Variants in POM121 observed in about 807,000 individuals in gnomAD.
POM121 encodes nuclear envelope pore membrane protein POM 121.
POM121 carries 32 observed loss-of-function variants against 81.3 expected under a neutral mutation model. The ratio of observed to expected loss-of-function variants is 0.39; its 90% CI spans 0.30 to 0.53. The LOEUF (loss-of-function observed/expected upper bound fraction) is 0.53, where lower values mean the gene tolerates loss of function less well. Among genes scored for constraint, POM121 ranks in the 20% least tolerant of loss-of-function variants. POM121 has a pLI of 0.66. For missense variants in POM121, 1,138 were observed against 1,614.6 expected (o/e 0.70, Z 5.06); for synonymous variants, 514 against 694.2 (o/e 0.74, Z 4.08).
intron 5 of POM121, among the ~76,000 whole-genome samples, chr7:72,935,285 G>C (rs1796403101): frequency 6.6e-6 from 1 of 151,936 alleles, no homozygotes; most frequent in Non-Finnish European, 1.5e-5. Context: ...CGATTCTCCT[G>C]CCTCAGCCTC....
chr7:72,897,306 G>A (rs1165253183), intron 3 of POM121, among the ~76,000 whole-genome samples: 4 of 152,162 alleles, frequency 2.6e-5, no homozygotes, highest in Non-Finnish European at 5.9e-5. Context: ...GCTGAAGGAG[G>A]TGGAGAGAGA....
chr7:72,879,650 T>C (rs1285896807), exon 1 of POM121: 2 of 369,260 alleles, frequency 5.4e-6, no homozygotes, highest in Non-Finnish European at 5.2e-6. Context: ...GTGTGTGTCC[T>C]CGGCGGCCTG....
Position 72,934,685 on chromosome 7 carries a change from G to GT in POM121, c.1276-3897dup, listed in dbSNP as rs797026274. ...TGGTGTGAGGTTGGAATCAAAATTAGTTTTTTTTGTGTTTGGTGGTGTTGG... is the reference window on the plus strand; with the variant it reads ...TGGTGTGAGGTTGGAATCAAAATTAGTTTTTTTTTGTGTTTGGTGGTGTTGG... On this transcript the variant is annotated intron_variant, in intron 5 of 12. Coordinates refer to ENST00000434423, the MANE Select transcript of POM121 (RefSeq NM_001387691.1). Among the ~76,000 whole-genome samples the GT allele has an allele frequency of 2.1e-3, 316 of 151,978 alleles. 2 individuals are homozygous for GT. Among genetic ancestry groups the GT allele is most frequent in the Middle Eastern group, 0.01 (3 of 294 alleles).
downstream of POM121, chr7:72,950,331 C>T (rs551216415): frequency 4.4e-4 from 389 of 878,874 alleles, 10 homozygotes; most frequent in African/African-American, 5.4e-3. Context: ...ATCCGGGATC[C>T]GCAGTTGAGG....
intron 3 of POM121, among the ~76,000 whole-genome samples, chr7:72,900,694 G>C (rs1301333224): frequency 6.6e-6 from 1 of 151,922 alleles, no homozygotes; most frequent in Admixed American, 6.6e-5. Context: ...AGTAGAGATG[G>C]AGTTTTACCA....
chr7:72,912,733 C>T (rs782321470), intron 3 of POM121, among the ~76,000 whole-genome samples: 3 of 152,238 alleles, frequency 2.0e-5, no homozygotes, highest in East Asian at 1.9e-4. Flanking sequence ...GAGCCGAGAT[C>T]GCGCCACTGT....
intron 5 of POM121, among the ~76,000 whole-genome samples, chr7:72,935,831 G>A (rs1796458659): frequency 6.6e-6 from 1 of 152,152 alleles, no homozygotes; most frequent in Non-Finnish European, 1.5e-5. Context: ...ATTCTAAATA[G>A]TGCCTTCAAA....
At chr7:72,910,924 CCTTCT>C (rs1474006943) in intron 3 of POM121, among the ~76,000 whole-genome samples, 55 of 152,136 alleles carry the variant, frequency 3.6e-4, no homozygotes, top group Non-Finnish European at 7.1e-4. Flanking sequence ...CTGGGTCAGC[CCTTCT>C]CTTCTCTACC....
chr7:72,925,329 A>G lies in POM121; in HGVS notation c.208A>G (p.Ser70Gly), dbSNP rs1795283864. Residue 70 changes from serine to glycine, a missense_variant, in exon 1 of 13, where the codon AGC becomes GGC. Physicochemically the swap from Ser to Gly is moderately conservative, Grantham distance 56. Coordinates refer to ENST00000434423, the MANE Select transcript of POM121 (RefSeq NM_001387691.1). ...VGATAAWWGL[S>G]REPRGSRPLS... ...GGCTACCGCGGCCTGGTGGGGACTG[A>G]GCCGCGAGCCCCGAGGTTCGCGCCC... 1 of 1,534,198 alleles carries G rather than the reference A, an allele frequency of 6.5e-7. No homozygotes were observed. The highest frequency in any genetic ancestry group is 1.4e-5 in the African/African-American group (1 of 72,944).
intron 1 of POM121, among the ~76,000 whole-genome samples, chr7:72,888,649 T>G (rs1790975610): frequency 6.6e-6 from 1 of 151,010 alleles, no homozygotes; most frequent in Non-Finnish European, 1.5e-5. Context: ...ATCCTGACTT[T>G]CGGACCGAGA....
In POM121 at chr7:72,926,290, G is replaced by A. The variant is rs143217639; in HGVS notation, c.673G>A (p.Val225Ile). The A allele has an allele frequency of 4.4e-6, 7 of 1,573,564 alleles. No individual in the cohort carries two copies. The highest frequency in any genetic ancestry group is 6.0e-6 in the Non-Finnish European group (7 of 1,158,936). ...TTGTGGGACTTTACCAAATCGGTTT[G>A]TAATAACACCTAGAAGACGCTATCC... is the stretch of plus-strand genomic sequence containing the variant. The part of the protein sequence containing the change: ...RDCGTLPNRF[V>I]ITPRRRYPIH... The change falls in exon 2 of 13, where the codon GTA (valine) becomes ATA (isoleucine). Residue 225 changes from valine to isoleucine, a missense_variant. Physicochemically the swap from Val to Ile is conservative, Grantham distance 29. Transcript: ENST00000434423.
intron 3 of POM121, among the ~76,000 whole-genome samples, chr7:72,892,744 C>T (rs1265575196): frequency 1.3e-5 from 2 of 151,912 alleles, no homozygotes; most frequent in Non-Finnish European, 2.9e-5. Flanking sequence ...CGGCTCACTG[C>T]AGCCTCCCCC....
chr7:72,898,904 C>T (rs1222889187), intron 3 of POM121, among the ~76,000 whole-genome samples: 12 of 150,598 alleles, frequency 8.0e-5, no homozygotes, highest in Admixed American at 6.6e-4. Flanking sequence ...TTGTCTCCGA[C>T]TGGCGAGGGT....
At chr7:72,913,040 T>C (rs1793960006) in intron 3 of POM121, among the ~76,000 whole-genome samples, 1 of 152,220 alleles carries the variant, frequency 6.6e-6, no homozygotes, top group African/African-American at 2.4e-5. Context: ...TAGTCTGATA[T>C]CATGCATTAA....
At chr7:72,887,835 A>C (rs1790885929) in intron 1 of POM121, among the ~76,000 whole-genome samples, 1 of 152,206 alleles carries the variant, frequency 6.6e-6, no homozygotes, top group Non-Finnish European at 1.5e-5. Context: ...CTCAAAAAAC[A>C]AAAAACAAAA....
chr7:72,913,758 C>G (rs1236838100), intron 3 of POM121: 8 of 152,442 alleles, frequency 5.2e-5, no homozygotes, highest in South Asian at 2.1e-4. Context: ...CCTCATTCTC[C>G]TTTTAGCCCT....
chr7:72,890,702 A>T, exon 2 of POM121: 1 of 1,601,816 alleles, frequency 6.2e-7, no homozygotes, highest in East Asian at 2.2e-5. Flanking sequence ...TGATGAGAAG[A>T]TAACATACGG....
At chr7:72,928,140 A>T (rs1470929840) in intron 3 of POM121, among the ~76,000 whole-genome samples, 1 of 152,120 alleles carries the variant, frequency 6.6e-6, no homozygotes, top group African/African-American at 2.4e-5. Flanking sequence ...CAGGAGGCAG[A>T]GGTTTGTTGC....
At chr7:72,948,424 T>C (rs1107), downstream of POM121, 863,321 of 1,610,832 alleles carry the variant, frequency 0.54, 234,968 homozygotes, top group African/African-American at 0.65. Flanking sequence ...GCCCAGGGTC[T>C]TCCACGGAGA....
Sources: gnomAD v4.1 joint callset for allele counts (sites outside exome capture counted in the v4.1 genomes callset) on GRCh38, gnomAD v4.1.1 for gene constraint, MANE v1.5 for transcripts, NCBI Gene and HGNC (gene_info 2026-07-23, HGNC 2026-07-21) for gene names.